The following VLDLR variants were observed in gnomAD, a reference collection of about 807,000 sequenced individuals.
The protein encoded by VLDLR is very low density lipoprotein receptor.
Under a neutral mutation model 112.7 loss-of-function variants are expected in VLDLR, and 81 were observed. The ratio of observed to expected loss-of-function variants is 0.72; its 90% CI spans 0.60 to 0.86. VLDLR has a LOEUF of 0.86. VLDLR is among the 40% of genes least tolerant of loss of function. The pLI is 0.00. For missense variants in VLDLR, 1,237 were observed against 1,099.4 expected (o/e 1.13, Z -1.77); for synonymous variants, 436 against 384.8 (o/e 1.13, Z -1.56).
intron 9 of VLDLR, among the ~76,000 whole-genome samples, 185 bp from the exon 10 acceptor site, chr9:2,645,389 A>C (rs1475202965): frequency 2.6e-5 from 4 of 152,168 alleles, no homozygotes; most frequent in African/African-American, 9.6e-5. Flanking sequence ...CTGTAACCCC[A>C]CGACTGCCTT....
chr9:2,623,227 C>T (rs942873702), intron 1 of VLDLR, among the ~76,000 whole-genome samples: 1 of 152,086 alleles, frequency 6.6e-6, no homozygotes, highest in African/African-American at 2.4e-5. Context: ...GCCGCGGGGG[C>T]CTGGGGGCCC....
chr9:2,652,488 A>G (rs1470826871), intron 17 of VLDLR, among the ~76,000 whole-genome samples: 2 of 152,176 alleles, frequency 1.3e-5, no homozygotes, highest in East Asian at 3.9e-4. Flanking sequence ...CCACCTGAAT[A>G]GCTCTCCAGA....
intron 1 of VLDLR, among the ~76,000 whole-genome samples, chr9:2,626,891 C>G (rs752312565): frequency 2.6e-5 from 4 of 152,236 alleles, no homozygotes; most frequent in Non-Finnish European, 5.9e-5. Flanking sequence ...TCTAATCTTT[C>G]ATTTTCTTAA....
chr9:2,630,373 TGGAC>T (rs1422489164), intron 1 of VLDLR, among the ~76,000 whole-genome samples: 1 of 151,872 alleles, frequency 6.6e-6, no homozygotes, highest in African/African-American at 2.4e-5. Context: ...CCAAAACAAA[TGGAC>T]GGAAGGAATT....
chr9:2,649,545 C>T (rs1057362742), intron 14 of VLDLR, among the ~76,000 whole-genome samples: 2 of 152,110 alleles, frequency 1.3e-5, no homozygotes, highest in African/African-American at 4.8e-5. Flanking sequence ...GAGTGAGCCA[C>T]CACGTCCAGC....
intron 1 of VLDLR, among the ~76,000 whole-genome samples, chr9:2,625,203 T>C (rs1255985952): frequency 6.6e-6 from 1 of 152,196 alleles, no homozygotes; most frequent in Non-Finnish European, 1.5e-5. Flanking sequence ...GGAAAAAAGT[T>C]GTTACAAGCC....
chr9:2,647,434 C>T (rs200817919), intron 11 of VLDLR, 40 bp from the exon 12 acceptor site: 306 of 1,573,776 alleles, frequency 1.9e-4, no homozygotes, highest in South Asian at 1.2e-3. Flanking sequence ...TTTATTCCTT[C>T]TAAACCACTG....
chr9:2,625,345 G>C (rs1247596268), intron 1 of VLDLR, among the ~76,000 whole-genome samples: 4 of 152,184 alleles, frequency 2.6e-5, no homozygotes, highest in Non-Finnish European at 4.4e-5. Flanking sequence ...AAACCTTGAA[G>C]ACTTGGCACA....
rs1817563664 is a variant in VLDLR at position 2,635,529 on chromosome 9, T to C, written c.159T>C (p.Asp53=). 6.2e-7 allele frequency: 1 copy of C among 1,614,040 alleles called. No homozygotes were observed. The highest frequency in any genetic ancestry group is 1.7e-5 in the Admixed American group (1 of 60,008). The change falls in exon 2 of 19, where the codon GAT becomes GAC. Residue 53 remains aspartate (D), a synonymous_variant. Transcript: ENST00000382100. ...GTATTACGCTGTTGTGGAAATGTGA[T>C]GGGGATGAAGACTGTGTTGACGGCA... The part of the protein sequence containing the change: ...GRCITLLWKC[D]GDEDCVDGSD...
chr9:2,628,220 C>T (rs1817181974), intron 1 of VLDLR, among the ~76,000 whole-genome samples: 1 of 152,158 alleles, frequency 6.6e-6, no homozygotes, highest in Non-Finnish European at 1.5e-5. Context: ...AACTCATCTC[C>T]TTGGGTGATG....
chr9:2,645,310 G>A (rs1001534936), intron 9 of VLDLR, among the ~76,000 whole-genome samples: 3 of 152,130 alleles, frequency 2.0e-5, no homozygotes, highest in Admixed American at 1.3e-4. Context: ...AGGTTTGCAT[G>A]CTCTGTTTCC....
chr9:2,629,046 G>C (rs1817224166), intron 1 of VLDLR, among the ~76,000 whole-genome samples: 1 of 152,190 alleles, frequency 6.6e-6, no homozygotes, highest in South Asian at 2.1e-4. Flanking sequence ...GACCGAAATT[G>C]GCAACATTAA....
chr9:2,624,370 C>T (rs1816987127), intron 1 of VLDLR, among the ~76,000 whole-genome samples: 1 of 152,220 alleles, frequency 6.6e-6, no homozygotes, highest in South Asian at 2.1e-4. Context: ...AGCTTCTACA[C>T]ATACCCCTTC....
At chr9:2,639,340 C>A (rs762568364) in intron 2 of VLDLR, among the ~76,000 whole-genome samples, 9 of 152,090 alleles carry the variant, frequency 5.9e-5, no homozygotes, top group Non-Finnish European at 1.3e-4. Context: ...CATGGGGGCT[C>A]CACCCTCATG....
Position 2,655,371 on chromosome 9 carries a change from A to G in VLDLR, c.*1503A>G, listed in dbSNP as rs1283826228. 2 of 152,180 alleles carry G rather than the reference A, an allele frequency of 1.3e-5. No individual in the cohort carries two copies. The highest frequency in any genetic ancestry group is 6.5e-5 in the Admixed American group (1 of 15,276). The allele number at this position is 152,180 out of a possible 1,614,324, so 9.4% of individuals were successfully genotyped here. On this transcript the variant is annotated 3_prime_UTR_variant, in exon 19 of 19. Coordinates refer to ENST00000382100, the MANE Select transcript of VLDLR (RefSeq NM_003383.5). ...GTCTCAGGATGTCTGGAAGCAAGGAAAGACAAAAGACTTGAAGCACCGGGT... is the reference window on the plus strand; with the variant it reads ...GTCTCAGGATGTCTGGAAGCAAGGAGAGACAAAAGACTTGAAGCACCGGGT...
At chr9:2,637,057 T>C (rs1285232835) in intron 2 of VLDLR, among the ~76,000 whole-genome samples, 1 of 152,234 alleles carries the variant, frequency 6.6e-6, no homozygotes, top group Non-Finnish European at 1.5e-5. Context: ...GGTAGATGTA[T>C]ATCTAATCAA....
At chr9:2,641,260 T>G (rs1243775049) in intron 3 of VLDLR, 117 bp from the exon 4 acceptor site, 1 of 1,538,416 alleles carries the variant, frequency 6.5e-7, no homozygotes, top group Non-Finnish European at 8.9e-7. Context: ...GTTAGTAGAA[T>G]TTCACCAGTG....
chr9:2,652,548 G>A lies in VLDLR; in HGVS notation c.2417-232G>A, dbSNP rs190212451. ...AGCCTAAGGTGGGACCGAGGACCCT[G>A]CCCTTGCCTGGATGGATGTGGCTAG... is the stretch of plus-strand genomic sequence containing the variant. On this transcript the variant is annotated intron_variant, in intron 17 of 18. Coordinates refer to ENST00000382100, the MANE Select transcript of VLDLR (RefSeq NM_003383.5). Among the ~76,000 whole-genome samples, 135 of 152,274 alleles carry A rather than the reference G, an allele frequency of 8.9e-4. 1 individual carries two copies. Among genetic ancestry groups the A allele is most frequent in the African/African-American group, 2.9e-3 (122 of 41,566 alleles).
Position 2,658,737 on chromosome 9 carries a change from CTG to C in VLDLR, c.*4870_*4871del, listed in dbSNP as rs1818694942. 6.6e-6 allele frequency: 1 copy of C among 152,112 alleles called. No homozygotes were observed. Among genetic ancestry groups the C allele is most frequent in the South Asian group, 2.1e-4 (1 of 4,822 alleles). 9.4% of individuals were successfully genotyped at this position (152,112 alleles called of 1,614,324 possible). A position where few individuals can be genotyped will look rare whatever the true frequency, so the allele number is the denominator to read the frequency against. On this transcript the variant is annotated 3_prime_UTR_variant, in exon 19 of 19. Transcript: ENST00000382100. ...AATATGTGCAGGGCAGATGTCACTA[CTG>C]AATATCACATCAATGCTAGGGCTGT...
Sources: gnomAD v4.1 joint callset for allele counts (sites outside exome capture counted in the v4.1 genomes callset) on GRCh38, gnomAD v4.1.1 for gene constraint, MANE v1.5 for transcripts, NCBI Gene and HGNC (gene_info 2026-07-23, HGNC 2026-07-21) for gene names.